Variants in NEGR1 observed in about 807,000 individuals in gnomAD.
The protein encoded by NEGR1 is neuronal growth regulator 1.
NEGR1 carries 10 observed loss-of-function variants against 40.9 expected under a neutral mutation model. The observed-to-expected ratio is 0.24, with a 90% CI of 0.15 to 0.42. The LOEUF (loss-of-function observed/expected upper bound fraction) is 0.42, where lower values mean the gene tolerates loss of function less well. Among genes scored for constraint, NEGR1 ranks in the 10% least tolerant of loss-of-function variants. The pLI, the probability that NEGR1 is intolerant of heterozygous loss-of-function variation, is 1.00. For synonymous variants in NEGR1, 185 were observed against 166.8 expected (o/e 1.11, Z -0.84); for missense variants, 352 against 438.9 (o/e 0.80, Z 1.77).
intron 2 of NEGR1, among the ~76,000 whole-genome samples, chr1:71,792,836 A>G (rs898054629): frequency 6.6e-6 from 1 of 152,144 alleles, no homozygotes; most frequent in Admixed American, 6.5e-5. Context: ...CAAAATTTAT[A>G]GAAGAAAAAA....
chr1:71,512,176 T>C (rs1443112806), intron 6 of NEGR1, among the ~76,000 whole-genome samples: 4 of 152,204 alleles, frequency 2.6e-5, no homozygotes, highest in African/African-American at 7.2e-5. Context: ...TGTTATGTTT[T>C]TAAAATAACT....
At chr1:71,825,666 C>T (rs1014045211) in intron 2 of NEGR1, among the ~76,000 whole-genome samples, 1 of 151,824 alleles carries the variant, frequency 6.6e-6, no homozygotes, top group East Asian at 1.9e-4. Context: ...GCTTCTTAAT[C>T]TATAAATTGA....
chr1:72,272,566 T>A (rs1035970654), intron 1 of NEGR1, among the ~76,000 whole-genome samples: 6 of 151,944 alleles, frequency 3.9e-5, no homozygotes, highest in African/African-American at 1.4e-4. Context: ...ATTCACAATA[T>A]CTCTTAAATT....
chr1:71,537,746 T>C (rs1643217910), intron 6 of NEGR1, among the ~76,000 whole-genome samples: 1 of 151,786 alleles, frequency 6.6e-6, no homozygotes, highest in Non-Finnish European at 1.5e-5. Flanking sequence ...AACAGTAGTT[T>C]AACCAGAAAT....
intron 2 of NEGR1, among the ~76,000 whole-genome samples, chr1:71,916,651 G>C (rs1423764670): frequency 6.6e-6 from 1 of 152,148 alleles, no homozygotes; most frequent in East Asian, 1.9e-4. Flanking sequence ...AGCTACTTGG[G>C]AGGCAGAGGC....
chr1:71,738,615 T>C (rs1050180363), intron 3 of NEGR1, among the ~76,000 whole-genome samples: 5 of 152,060 alleles, frequency 3.3e-5, no homozygotes, highest in African/African-American at 1.2e-4. Context: ...CTGCTTTCCA[T>C]AAGAAGGGAA....
intron 6 of NEGR1, among the ~76,000 whole-genome samples, chr1:71,568,436 G>C (rs1177939087): frequency 6.6e-6 from 1 of 152,158 alleles, no homozygotes; most frequent in African/African-American, 2.4e-5. Flanking sequence ...CAGGCTTCCA[G>C]GAGTCCCTGA....
At chr1:71,955,684 A>G (rs1037648001) in intron 1 of NEGR1, among the ~76,000 whole-genome samples, 27 of 152,140 alleles carry the variant, frequency 1.8e-4, no homozygotes, top group African/African-American at 5.8e-4. Flanking sequence ...CCTTTTCCCA[A>G]AAGAGTTTAA....
At chr1:71,627,646 T>C (rs754745695) in intron 4 of NEGR1, among the ~76,000 whole-genome samples, 9 of 151,994 alleles carry the variant, frequency 5.9e-5, no homozygotes, top group Non-Finnish European at 1.2e-4. Context: ...CTGTCATCAA[T>C]GGGGCTAAGA....
intron 1 of NEGR1, chr1:72,274,442 T>C (rs956114205): frequency 5.5e-6 from 3 of 547,638 alleles, no homozygotes; most frequent in Non-Finnish European, 1.0e-5. Context: ...GGCACACAAC[T>C]GTATGGATCC....
At chr1:72,241,507 A>C (rs1230130274) in intron 1 of NEGR1, among the ~76,000 whole-genome samples, 1 of 151,660 alleles carries the variant, frequency 6.6e-6, no homozygotes, top group Non-Finnish European at 1.5e-5. Context: ...TGTTAGTACC[A>C]TAAACTAACT....
intron 1 of NEGR1, among the ~76,000 whole-genome samples, chr1:71,991,498 T>C (rs1194011281): frequency 6.6e-6 from 1 of 152,202 alleles, no homozygotes; most frequent in African/African-American, 2.4e-5. Context: ...TGGAATGCTC[T>C]TACCTCTTCT....
chr1:71,498,594 G>C (rs6662613), intron 6 of NEGR1, among the ~76,000 whole-genome samples: 15 of 152,114 alleles, frequency 9.9e-5, no homozygotes, highest in Admixed American at 8.5e-4. Context: ...GAAAGGTCCA[G>C]GCTTGGCTTT....
chr1:71,920,279 C>G (rs2101882188), intron 2 of NEGR1, among the ~76,000 whole-genome samples: 1 of 152,286 alleles, frequency 6.6e-6, no homozygotes, highest in East Asian at 1.9e-4. Context: ...TTTTATGGAA[C>G]AAGACAATGC....
At chr1:71,764,040 C>T (rs1656039026) in intron 3 of NEGR1, among the ~76,000 whole-genome samples, 1 of 151,878 alleles carries the variant, frequency 6.6e-6, no homozygotes, top group Non-Finnish European at 1.5e-5. Flanking sequence ...GCCCATGAGA[C>T]CAAAAGCAAA....
rs115204699 is a variant in NEGR1 at position 72,123,477 on chromosome 1, A to G, written c.176+158842T>C. 6.3e-3 allele frequency among the ~76,000 whole-genome samples: 961 copies of G among 151,968 alleles called. 12 individuals are homozygous for G. The highest frequency in any genetic ancestry group is 0.022 in the African/African-American group (917 of 41,530). On this transcript the variant is annotated intron_variant, in intron 1 of 6. Coordinates refer to ENST00000357731, the MANE Select transcript of NEGR1 (RefSeq NM_173808.3). ...TGAGAAATTGCAACTACAGGTGGTC[A>G]TTCATATGGAGATAAAGGCAAATAA...
At chr1:71,837,933 T>C in intron 2 of NEGR1, among the ~76,000 whole-genome samples, 1 of 152,240 alleles carries the variant, frequency 6.6e-6, no homozygotes, top group Admixed American at 6.5e-5. Context: ...GTATTCTTCC[T>C]GATGTTCTAA....
chr1:71,503,931 A>G (rs1647015050), intron 6 of NEGR1, among the ~76,000 whole-genome samples: 1 of 151,388 alleles, frequency 6.6e-6, no homozygotes, highest in Non-Finnish European at 1.5e-5. Flanking sequence ...ATTGATCCTG[A>G]ATGGGATAAT....
intron 1 of NEGR1, among the ~76,000 whole-genome samples, chr1:72,170,509 C>T (rs1162240732): frequency 1.3e-5 from 2 of 152,112 alleles, no homozygotes; most frequent in South Asian, 2.1e-4. Flanking sequence ...CTGGAATGAG[C>T]AGCTAAATGT....
Sources: gnomAD v4.1 joint callset for allele counts (sites outside exome capture counted in the v4.1 genomes callset) on GRCh38, gnomAD v4.1.1 for gene constraint, MANE v1.5 for transcripts, NCBI Gene and HGNC (gene_info 2026-07-23, HGNC 2026-07-21) for gene names.